LRRC1: variants seen among roughly 807,000 people sequenced by gnomAD.
The protein encoded by LRRC1 is leucine rich repeat containing 1.
In LRRC1, 28 loss-of-function variants were observed where a neutral mutation model predicts 69.9. The ratio of observed to expected loss-of-function variants is 0.40; its 90% CI spans 0.30 to 0.55. The LOEUF (loss-of-function observed/expected upper bound fraction) is 0.55. Among genes scored for constraint, LRRC1 ranks in the 20% least tolerant of loss-of-function variants. LRRC1 has a pLI of 0.47. For missense variants in LRRC1, 498 were observed against 609.0 expected, an observed-to-expected ratio of 0.82 and a Z score of 1.92; for synonymous variants, 236 against 240.2, an observed-to-expected ratio of 0.98 and a Z score of 0.16.
chr6:53,916,056 T>C (rs1388244064), intron 11 of LRRC1, among the ~76,000 whole-genome samples: 1 of 152,222 alleles, frequency 6.6e-6, no homozygotes, highest in Non-Finnish European at 1.5e-5. Flanking sequence ...GGATAAATTA[T>C]AGCAAGGATG....
At chr6:53,913,771 C>A in intron 10 of LRRC1, 83 bp from the exon 11 acceptor site, 1 of 785,430 alleles carries the variant, frequency 1.3e-6, no homozygotes, top group Non-Finnish European at 2.1e-6. Flanking sequence ...CCTTTTTATA[C>A]TGTTTGGTAA....
At chr6:53,895,948 T>TA (rs1208780750) in intron 4 of LRRC1, among the ~76,000 whole-genome samples, 1 of 152,228 alleles carries the variant, frequency 6.6e-6, no homozygotes, top group Non-Finnish European at 1.5e-5. Context: ...AAATGAAAGT[T>TA]ACTTCCTTAG....
At position 53,849,607 on chromosome 6, in the gene LRRC1, T is replaced by A. The variant is rs77185847; in HGVS notation, c.277+7380T>A. 1.9e-3 allele frequency among the ~76,000 whole-genome samples: 295 copies of A among 152,194 alleles called. 4 individuals are homozygous for A. In the East Asian group the frequency reaches 0.04, roughly 21 times the overall value. On this transcript the variant is annotated intron_variant, in intron 2 of 13. Transcript: ENST00000370888. Reference sequence around the variant, plus strand: ...ATGCTCGCACCACTGCAAACAGCGCTCTCCTCTTACTGAGCTAGAAAAGAC... The same window carrying A: ...ATGCTCGCACCACTGCAAACAGCGCACTCCTCTTACTGAGCTAGAAAAGAC...
intron 7 of LRRC1, among the ~76,000 whole-genome samples, chr6:53,899,072 A>G (rs1160577858): frequency 1.3e-5 from 2 of 152,200 alleles, no homozygotes; most frequent in Non-Finnish European, 2.9e-5. Context: ...AATATTGGGA[A>G]GTGGAATGGA....
chr6:53,837,785 G>A (rs1765654518), intron 1 of LRRC1, among the ~76,000 whole-genome samples: 1 of 152,158 alleles, frequency 6.6e-6, no homozygotes, highest in African/African-American at 2.4e-5. Context: ...AGAAGGAAAA[G>A]AATCTTGTCA....
chr6:53,813,192 G>T (rs894394674), intron 1 of LRRC1, among the ~76,000 whole-genome samples: 10 of 152,182 alleles, frequency 6.6e-5, no homozygotes, highest in African/African-American at 2.4e-4. Flanking sequence ...CCAGATCCAG[G>T]ATACTGGAGT....
chr6:53,815,718 C>T (rs372333997), intron 1 of LRRC1, among the ~76,000 whole-genome samples: 1 of 152,212 alleles, frequency 6.6e-6, no homozygotes. Flanking sequence ...AGCAAGTTCT[C>T]TCTCCTCCTG....
At chr6:53,897,215 T>G (rs1767902330) in intron 6 of LRRC1, 70 bp from the exon 7 acceptor site, 1 of 1,040,552 alleles carries the variant, frequency 9.6e-7, no homozygotes, top group African/African-American at 1.6e-5. Context: ...TGAATTCAGT[T>G]TCTTTCTTTC....
chr6:53,907,286 A>C (rs763592060), intron 10 of LRRC1, among the ~76,000 whole-genome samples: 1 of 152,190 alleles, frequency 6.6e-6, no homozygotes, highest in Non-Finnish European at 1.5e-5. Flanking sequence ...CCAAAAATCC[A>C]TAGTAGTATT....
rs116188489 is a variant in LRRC1 at position 53,818,994 on chromosome 6, G to A, written c.160-23116G>A. Among the ~76,000 whole-genome samples, 186 of 152,282 alleles carry A rather than the reference G, an allele frequency of 1.2e-3. 1 individual carries two copies. The highest frequency in any genetic ancestry group is 3.9e-3 in the African/African-American group (162 of 41,568). On this transcript the variant is annotated intron_variant, in intron 1 of 13. Coordinates refer to ENST00000370888, the MANE Select transcript of LRRC1 (RefSeq NM_018214.5). ...CTCATAAGAGTACAGGACTGTGGGG[G>A]TCACAGCACAGTTAACTGCACTGCA... is the stretch of plus-strand genomic sequence containing the variant.
intron 1 of LRRC1, among the ~76,000 whole-genome samples, chr6:53,819,939 A>G (rs1244933270): frequency 1.3e-5 from 2 of 152,194 alleles, no homozygotes; most frequent in African/African-American, 2.4e-5. Flanking sequence ...TTCAGTTAGT[A>G]TGTATAACTC....
At chr6:53,843,027 T>A (rs1303139855) in intron 2 of LRRC1, among the ~76,000 whole-genome samples, 2 of 152,220 alleles carry the variant, frequency 1.3e-5, no homozygotes, top group Admixed American at 1.3e-4. Context: ...GGGCTGGTAC[T>A]GCTCCTTGTT....
intron 12 of LRRC1, 175 bp from the exon 13 acceptor site, chr6:53,920,450 G>T: frequency 5.4e-6 from 3 of 555,612 alleles, no homozygotes; most frequent in Non-Finnish European, 6.2e-6. Flanking sequence ...TTTTGTTTTT[G>T]AATTTTGTGT....
chr6:53,900,124 G>A (rs756792261), intron 8 of LRRC1, among the ~76,000 whole-genome samples: 6 of 137,276 alleles, frequency 4.4e-5, no homozygotes, highest in Non-Finnish European at 6.1e-5. Flanking sequence ...TGCCAGCTCC[G>A]CCTCCTGGGT....
chr6:53,854,743 A>C (rs1766255889), intron 2 of LRRC1, among the ~76,000 whole-genome samples: 2 of 152,162 alleles, frequency 1.3e-5, no homozygotes, highest in South Asian at 4.1e-4. Flanking sequence ...ATTTTTGTAC[A>C]TTTTATTTAT....
intron 4 of LRRC1, chr6:53,883,818 G>T: frequency 1.5e-6 from 1 of 675,906 alleles, no homozygotes. Flanking sequence ...AGACAGAACA[G>T]AAACTTGCTC....
At chr6:53,850,202 G>C (rs1176001325) in intron 2 of LRRC1, among the ~76,000 whole-genome samples, 1 of 151,916 alleles carries the variant, frequency 6.6e-6, no homozygotes, top group Non-Finnish European at 1.5e-5. Context: ...TTATATTGTG[G>C]TATAAATGAA....
At chr6:53,821,483 C>T (rs927242567) in intron 1 of LRRC1, among the ~76,000 whole-genome samples, 5 of 152,116 alleles carry the variant, frequency 3.3e-5, no homozygotes, top group African/African-American at 1.2e-4. Context: ...CAGCACTGTG[C>T]CTTCTATGCC....
intron 1 of LRRC1, among the ~76,000 whole-genome samples, chr6:53,835,672 A>G (rs1421799820): frequency 2.0e-5 from 3 of 152,100 alleles, no homozygotes; most frequent in South Asian, 2.1e-4. Context: ...CTTTTTGTCT[A>G]TATCCTTTTC....
Sources: allele counts gnomAD v4.1 joint callset (sites outside exome capture counted in the v4.1 genomes callset), GRCh38; gene constraint gnomAD v4.1.1; transcripts MANE v1.5; gene names NCBI Gene and HGNC (gene_info 2026-07-23, HGNC 2026-07-21).